Variants in ATG2B observed in about 807,000 individuals in gnomAD.
ATG2B encodes the protein autophagy related 2B, also known as autophagy-related protein 2 homolog B.
A neutral mutation model predicts 241.3 loss-of-function variants in ATG2B; 121 were observed. That is an observed-to-expected ratio of 0.50 (90% CI 0.43 to 0.58). The LOEUF (loss-of-function observed/expected upper bound fraction) is 0.58, where lower values mean the gene tolerates loss of function less well. Among genes scored for constraint, ATG2B ranks in the 20% least tolerant of loss-of-function variants. The probability of loss-of-function intolerance (pLI) is 0.00; values close to 1 mark genes in which losing one functional copy is unlikely to be tolerated. For synonymous variants in ATG2B, 858 were observed against 876.6 expected, an observed-to-expected ratio of 0.98 and a Z score of 0.37; for missense variants, 2,306 against 2,491.6, an observed-to-expected ratio of 0.93 and a Z score of 1.59.
At chr14:96,316,405 G>T in intron 21 of ATG2B, 128 bp downstream of exon 21, 1 of 896,090 alleles carries the variant, frequency 1.1e-6, no homozygotes, top group Non-Finnish European at 1.7e-6. Flanking sequence ...TACTTTGACA[G>T]CAGAATGAGA....
chr14:96,290,592 T>TAC lies in ATG2B; in HGVS notation c.5702-4_5702-3dup, dbSNP rs1456584030. ...AGACCAAGTCCTTTAGGCCTTGTACTACAACAGTCAACACAAAATCAACAT... is the reference window on the plus strand; with the variant it reads ...AGACCAAGTCCTTTAGGCCTTGTACTACACAACAGTCAACACAAAATCAACAT... On this transcript the variant is annotated splice_region_variant and splice_polypyrimidine_tract_variant and intron_variant, in intron 39 of 41. Transcript: ENST00000359933. This position sits in a 1 kb window ranked among gnomAD's most constrained non-coding sequence, Gnocchi z 4.4. The TAC allele has an allele frequency of 6.2e-7, 1 of 1,613,758 alleles. No individual in the cohort carries two copies. Among genetic ancestry groups the TAC allele is most frequent in the Admixed American group, 1.7e-5 (1 of 59,976 alleles).
chr14:96,311,448 GACC>G, intron 27 of ATG2B, 91 bp downstream of exon 27: 1 of 1,245,510 alleles, frequency 8.0e-7, no homozygotes, highest in Non-Finnish European at 1.1e-6. Context: ...CTCTATTTCT[GACC>G]AAAATTAGGT....
At chr14:96,362,482 T>A (rs1424747845) in intron 1 of ATG2B, among the ~76,000 whole-genome samples, 1 of 152,138 alleles carries the variant, frequency 6.6e-6, no homozygotes, top group Non-Finnish European at 1.5e-5. Context: ...CACAAAACCC[T>A]GCGGCCCCTC....
rs751252220 is a variant in ATG2B, at chr14:96,331,391, G to A, written c.1715C>T (p.Ser572Leu). 64 of 1,613,344 alleles carry A rather than the reference G, an allele frequency of 4.0e-5. 1 individual carries two copies. Among genetic ancestry groups the A allele is most frequent in the African/African-American group, 1.3e-5 (1 of 74,876 alleles). ...SFRAVFAEACSHDHLRFIGTG... is the reference protein window; with the variant it reads ...SFRAVFAEACLHDHLRFIGTG... ...GAGAGTTTACCTAAGGTGATCGTGT[G>A]AGCAAGCTTCTGCAAACACTGCTCG... Residue 572 changes from serine to leucine, a missense_variant, in exon 11 of 42, where the codon TCA becomes TTA. Physicochemically the swap from Ser to Leu is moderately radical, Grantham distance 145. Coordinates refer to ENST00000359933, the MANE Select transcript of ATG2B (RefSeq NM_018036.7).
At chr14:96,296,932 T>C (rs1180978883) in intron 34 of ATG2B, among the ~76,000 whole-genome samples, 1 of 151,898 alleles carries the variant, frequency 6.6e-6, no homozygotes, top group Non-Finnish European at 1.5e-5. Context: ...ATGATGCAAA[T>C]GAGAAGGATA....
At position 96,295,130 on chromosome 14, in the gene ATG2B, C is replaced by A; in HGVS notation, c.5256G>T (p.Leu1752Phe). The A allele has an allele frequency of 6.2e-7, 1 of 1,614,162 alleles. No homozygotes were observed. The highest frequency in any genetic ancestry group is 1.6e-4 in the Middle Eastern group (1 of 6,062). ...KSPGADVTCSLPRHLSTSKEP... is the reference protein window; with the variant it reads ...KSPGADVTCSFPRHLSTSKEP... ...CCTTTGAGGTACTCAAATGCCTTGGCAAACTGCAGGTGACATCAGCTCCAG... is the reference window on the plus strand; with the variant it reads ...CCTTTGAGGTACTCAAATGCCTTGGAAAACTGCAGGTGACATCAGCTCCAG... The change falls in exon 36 of 42, where the codon TTG becomes TTT. Residue 1752 changes from leucine to phenylalanine, a missense_variant. This residue lies in a region of ATG2B where 379 missense variants were observed against 480.4 expected (regional missense o/e 0.79). Coordinates refer to ENST00000359933, the MANE Select transcript of ATG2B (RefSeq NM_018036.7).
chr14:96,355,315 T>C (rs543021431), intron 1 of ATG2B, among the ~76,000 whole-genome samples: 1 of 152,154 alleles, frequency 6.6e-6, no homozygotes, highest in South Asian at 2.1e-4. Flanking sequence ...TTTTTGTATA[T>C]GGTGTAAGGA....
chr14:96,339,333 CATATATACACAAACAT>C (rs1887949714), intron 6 of ATG2B, among the ~76,000 whole-genome samples: 1 of 150,722 alleles, frequency 6.6e-6, no homozygotes, highest in African/African-American at 2.4e-5. Flanking sequence ...CATATATACA[CATATATACACAAACAT>C]ATATATACAC....
intron 1 of ATG2B, among the ~76,000 whole-genome samples, chr14:96,348,625 G>A (rs1212477800): frequency 6.6e-6 from 1 of 151,122 alleles, no homozygotes; most frequent in Non-Finnish European, 1.5e-5. Flanking sequence ...GGAGGCTGCA[G>A]TGAGCCACTG....
chr14:96,346,883 C>T (rs1333704978), intron 2 of ATG2B, among the ~76,000 whole-genome samples: 1 of 152,198 alleles, frequency 6.6e-6, no homozygotes, highest in Non-Finnish European at 1.5e-5. Context: ...TTCTTCTTTG[C>T]TTTCTGGCAC....
chr14:96,307,526 C>T (rs939303934), intron 29 of ATG2B, among the ~76,000 whole-genome samples: 4 of 152,158 alleles, frequency 2.6e-5, no homozygotes, highest in Non-Finnish European at 5.9e-5. Context: ...GGAAGCTCAG[C>T]AGTTGCTGGT....
At chr14:96,343,075 A>C in intron 5 of ATG2B, 44 bp downstream of exon 5, 1 of 1,438,486 alleles carries the variant, frequency 7.0e-7, no homozygotes, top group Non-Finnish European at 9.2e-7. Flanking sequence ...TAAACCTTTT[A>C]AAAAATCTAT....
At chr14:96,359,580 A>G (rs1448971815) in intron 1 of ATG2B, among the ~76,000 whole-genome samples, 1 of 152,210 alleles carries the variant, frequency 6.6e-6, no homozygotes, top group Non-Finnish European at 1.5e-5. Flanking sequence ...AGGCACAGTC[A>G]TAGAGTTAAA....
At chr14:96,294,347 A>G (rs1416163877) in intron 36 of ATG2B, among the ~76,000 whole-genome samples, 1 of 152,196 alleles carries the variant, frequency 6.6e-6, no homozygotes, top group African/African-American at 2.4e-5. Context: ...CCTACCATCC[A>G]GTTTTGGAAA....
intron 34 of ATG2B, among the ~76,000 whole-genome samples, chr14:96,301,737 A>G (rs754308918): frequency 3.3e-5 from 5 of 152,198 alleles, no homozygotes; most frequent in African/African-American, 7.2e-5. Flanking sequence ...AACTGGGAGT[A>G]GAGTACTTGA....
At position 96,290,728 on chromosome 14, in the gene ATG2B, T is replaced by C. The variant is rs554295409; in HGVS notation, c.5701+86A>G. ...TACATATGTGAGTTTTCTAGACTAATGGTCCTCACATAAGTTCTCAAAGGG... is the reference window on the plus strand; with the variant it reads ...TACATATGTGAGTTTTCTAGACTAACGGTCCTCACATAAGTTCTCAAAGGG... On this transcript the variant is annotated intron_variant, in intron 39 of 41. Transcript: ENST00000359933. This position sits in a 1 kb window ranked among gnomAD's most constrained non-coding sequence, Gnocchi z 4.4. The C allele has an allele frequency of 9.7e-6, 15 of 1,543,010 alleles. No homozygotes were observed. In the African/African-American group the frequency reaches 1.5e-4, roughly 16 times the overall value.
At position 96,279,884 on chromosome 14, in the gene ATG2B, G is replaced by A. The variant is rs1007982444; in HGVS notation, c.*5871C>T. ...TGGCATCCAGTGGCCAGAGGCCAGC[G>A]GGGGGTGGGAGGGTGGCAACATCCC... On this transcript the variant is annotated 3_prime_UTR_variant, in exon 42 of 42. Transcript: ENST00000359933. 3.3e-5 allele frequency: 5 copies of A among 152,056 alleles called. No homozygotes were observed. The highest frequency in any genetic ancestry group is 4.8e-5 in the African/African-American group (2 of 41,312). The allele number at this position is 152,056 out of a possible 1,614,324, so 9.4% of individuals were successfully genotyped here.
rs550685380 is a variant in ATG2B, at chr14:96,300,983, C to T, written c.5139+1024G>A. 5.3e-5 allele frequency among the ~76,000 whole-genome samples: 8 copies of T among 152,286 alleles called. No homozygotes were observed. In the South Asian group the frequency reaches 1.7e-3, roughly 32 times the overall value. On this transcript the variant is annotated intron_variant, in intron 34 of 41. Transcript: ENST00000359933. ...TTTAAGCAAATTAATAACGTCCACC[C>T]CACAAATAAATACTCTACTTCCAAA...
In ATG2B at chr14:96,317,826, G is replaced by A; in HGVS notation, c.2909C>T (p.Pro970Leu). 1 of 1,611,156 alleles carries A rather than the reference G, an allele frequency of 6.2e-7. No individual in the cohort carries two copies. The highest frequency in any genetic ancestry group is 8.5e-7 in the Non-Finnish European group (1 of 1,178,330). ...TGTCTCCACTGGTGAAGGAGCTGTT[G>A]GTTCCCACAGTAGCAAGTCATTAAA... ...RIFNDLLLWEPTAPSPVETFE... is the reference protein window; with the variant it reads ...RIFNDLLLWELTAPSPVETFE... Residue 970 changes from proline (P) to leucine (L), a missense_variant, in exon 19 of 42, where the codon CCA (proline) becomes CTA (leucine). Around this residue, in one of 2 missense-constraint regions of ATG2B, gnomAD observed 1,927 missense variants for 2,011.2 expected, o/e 0.96. Coordinates refer to ENST00000359933, the MANE Select transcript of ATG2B (RefSeq NM_018036.7).
Sources: gnomAD v4.1 joint callset for allele counts (sites outside exome capture counted in the v4.1 genomes callset) on GRCh38, gnomAD v4.1.1 for gene constraint, gnomAD v4.1.1 regional missense constraint, Gnocchi (gnomAD v3.1) non-coding constraint, MANE v1.5 for transcripts, NCBI Gene and HGNC (gene_info 2026-07-23, HGNC 2026-07-21) for gene names.